Variants in SLC22A15 observed in about 807,000 individuals in gnomAD.
The protein encoded by SLC22A15 is flipt 1.
A neutral mutation model predicts 62.7 loss-of-function variants in SLC22A15; 45 were observed. The observed-to-expected ratio is 0.72, with a 90% CI of 0.56 to 0.92. SLC22A15 has a LOEUF of 0.92. Among genes scored for constraint, SLC22A15 ranks in the 40% least tolerant of loss-of-function variants. SLC22A15 has a pLI of 0.00. For missense variants in SLC22A15, 622 were observed against 665.6 expected, an observed-to-expected ratio of 0.93 and a Z score of 0.72; for synonymous variants, 264 against 267.0, an observed-to-expected ratio of 0.99 and a Z score of 0.11.
intron 9 of SLC22A15, among the ~76,000 whole-genome samples, chr1:116,064,223 G>A (rs1658444605): frequency 6.6e-6 from 1 of 151,702 alleles, no homozygotes; most frequent in Non-Finnish European, 1.5e-5. Context: ...ACTCAGTAGT[G>A]CTTGTGTCTA....
At chr1:115,983,381 T>C (rs1304574269) in intron 1 of SLC22A15, among the ~76,000 whole-genome samples, 1 of 152,222 alleles carries the variant, frequency 6.6e-6, no homozygotes, top group African/African-American at 2.4e-5. Flanking sequence ...TAATGTTGTG[T>C]CAGTCATAGT....
rs950842550 is a variant in SLC22A15, at chr1:116,067,931, G to A, written c.*823G>A. On this transcript the variant is annotated 3_prime_UTR_variant, in exon 12 of 12. Coordinates refer to ENST00000369503, the MANE Select transcript of SLC22A15 (RefSeq NM_018420.3). ...AAAATCATGCATAGTAAATGAGAAA[G>A]CTTTAAGTAGAGGGCAGTTAAACAG... is the stretch of plus-strand genomic sequence containing the variant. The A allele has an allele frequency of 2.6e-5, 4 of 152,144 alleles. No homozygotes were observed. Among genetic ancestry groups the A allele is most frequent in the African/African-American group, 7.2e-5 (3 of 41,404 alleles). 9.4% of individuals were successfully genotyped at this position (152,144 alleles called of 1,614,324 possible).
chr1:116,047,648 G>T (rs1338332265), intron 8 of SLC22A15, among the ~76,000 whole-genome samples: 2 of 152,116 alleles, frequency 1.3e-5, no homozygotes, highest in Admixed American at 1.3e-4. Flanking sequence ...ACTGCAGTTT[G>T]GTTCACAGGA....
At chr1:116,003,922 T>C (rs1655854210) in intron 2 of SLC22A15, among the ~76,000 whole-genome samples, 1 of 152,180 alleles carries the variant, frequency 6.6e-6, no homozygotes, top group Admixed American at 6.5e-5. Context: ...TAGAGAAAGT[T>C]ATATTTGTCT....
intron 11 of SLC22A15, 135 bp from the exon 12 acceptor site, chr1:116,066,884 A>T (rs910101321): frequency 1.1e-6 from 1 of 943,168 alleles, no homozygotes; most frequent in African/African-American, 1.7e-5. Context: ...GCTTTCCTAG[A>T]ATATTTTAGG....
chr1:116,066,460 A>C (rs905621342), intron 10 of SLC22A15, 60 bp from the exon 11 acceptor site: 12 of 1,459,360 alleles, frequency 8.2e-6, no homozygotes, highest in Middle Eastern at 1.8e-4. Context: ...GACTGCTTGT[A>C]TTACATGCTA....
intron 11 of SLC22A15, 68 bp from the exon 12 acceptor site, chr1:116,066,951 G>A (rs535871386): frequency 5.4e-5 from 68 of 1,249,858 alleles, no homozygotes; most frequent in Middle Eastern, 2.1e-4. Flanking sequence ...TGAATAGCTA[G>A]ATGGTAGTTT....
chr1:116,060,302 CGA>C (rs1258204623), intron 8 of SLC22A15, among the ~76,000 whole-genome samples: 2 of 152,208 alleles, frequency 1.3e-5, no homozygotes, highest in African/African-American at 4.8e-5. Flanking sequence ...CAGGCACATA[CGA>C]GAGAAGTTTT....
chr1:116,042,457 A>G (rs548653457), intron 8 of SLC22A15, among the ~76,000 whole-genome samples: 1 of 152,274 alleles, frequency 6.6e-6, no homozygotes, highest in African/African-American at 2.4e-5. Context: ...CATGAAACAA[A>G]AAAATTGAAT....
Position 115,976,726 on chromosome 1 carries a change from C to T in SLC22A15, c.87+12C>T. The T allele has an allele frequency of 6.4e-7, 1 of 1,574,204 alleles. No homozygotes were observed. ...CCGTGCTGCTGCAGGTAAGTCCCCG[C>T]GGCCCCGCAGCCGCATTTCCCTCTT... On this transcript the variant is annotated intron_variant, in intron 1 of 11. Coordinates refer to ENST00000369503, the MANE Select transcript of SLC22A15 (RefSeq NM_018420.3).
At position 116,019,579 on chromosome 1, in the gene SLC22A15, T is replaced by C. The variant is rs758572840; in HGVS notation, c.301-3T>C. 4 of 1,596,860 alleles carry C rather than the reference T, an allele frequency of 2.5e-6. No homozygotes were observed. Among genetic ancestry groups the C allele is most frequent in the Admixed American group, 3.6e-5 (2 of 55,282 alleles). On this transcript the variant is annotated splice_polypyrimidine_tract_variant and splice_region_variant and intron_variant, in intron 2 of 11. Coordinates refer to ENST00000369503, the MANE Select transcript of SLC22A15 (RefSeq NM_018420.3). ...GTCTCTCTTTTGTTTTATCTTCCTC[T>C]AGTGGTTTTTAATTGCCAACAGATC... is the stretch of plus-strand genomic sequence containing the variant.
intron 4 of SLC22A15, among the ~76,000 whole-genome samples, chr1:116,022,457 A>G (rs1203106214): frequency 1.3e-5 from 2 of 152,208 alleles, no homozygotes; most frequent in Non-Finnish European, 2.9e-5. Context: ...GTAGAGCACC[A>G]TGAATACATA....
chr1:116,025,495 TTTGTTATAAAGTA>T (rs1462386976), intron 4 of SLC22A15, among the ~76,000 whole-genome samples: 3 of 152,262 alleles, frequency 2.0e-5, no homozygotes, highest in African/African-American at 7.2e-5. Context: ...CCATCACTTA[TTTGTTATAAAGTA>T]ATAAGCAATG....
At chr1:115,984,133 G>A (rs763601243) in intron 1 of SLC22A15, among the ~76,000 whole-genome samples, 1 of 152,144 alleles carries the variant, frequency 6.6e-6, no homozygotes, top group Non-Finnish European at 1.5e-5. Flanking sequence ...CAGAAAATGG[G>A]CATGTGAAAA....
intron 7 of SLC22A15, 140 bp from the exon 8 acceptor site, chr1:116,037,163 C>T: frequency 1.5e-6 from 1 of 666,032 alleles, no homozygotes; most frequent in Non-Finnish European, 2.6e-6. Context: ...AGTTTCCTAT[C>T]AGTCACATTT....
At chr1:116,026,563 C>T (rs1234839379) in intron 4 of SLC22A15, among the ~76,000 whole-genome samples, 2 of 152,156 alleles carry the variant, frequency 1.3e-5, no homozygotes, top group Non-Finnish European at 2.9e-5. Flanking sequence ...AAAATATTTC[C>T]AAGCCTCAGC....
chr1:116,067,836 T>C lies in SLC22A15; in HGVS notation c.*728T>C, dbSNP rs908326115. The C allele has an allele frequency of 6.6e-6, 1 of 152,186 alleles. No individual in the cohort carries two copies. The highest frequency in any genetic ancestry group is 2.4e-5 in the African/African-American group (1 of 41,434). 9.4% of individuals were successfully genotyped at this position (152,186 alleles called of 1,614,324 possible). On this transcript the variant is annotated 3_prime_UTR_variant, in exon 12 of 12. Coordinates refer to ENST00000369503, the MANE Select transcript of SLC22A15 (RefSeq NM_018420.3). ...CCTGTCAGCTCCCTTGGATACTATA[T>C]TGTATGATTTCTTCCTTTCCCACTA... is the stretch of plus-strand genomic sequence containing the variant.
chr1:116,037,952 T>C (rs1557901184), intron 8 of SLC22A15, among the ~76,000 whole-genome samples: 1 of 152,246 alleles, frequency 6.6e-6, no homozygotes, highest in East Asian at 1.9e-4. Context: ...AGCTTTTCTA[T>C]GCAAACACAG....
At chr1:116,039,682 C>T (rs923254542) in intron 8 of SLC22A15, among the ~76,000 whole-genome samples, 18 of 152,086 alleles carry the variant, frequency 1.2e-4, no homozygotes, top group African/African-American at 4.3e-4. Context: ...TCATTTAATT[C>T]ATCACTAGAG....
Sources: gnomAD v4.1 joint callset for allele counts (sites outside exome capture counted in the v4.1 genomes callset) on GRCh38, gnomAD v4.1.1 for gene constraint, MANE v1.5 for transcripts, NCBI Gene and HGNC (gene_info 2026-07-23, HGNC 2026-07-21) for gene names.